SEMA3E: variants seen among roughly 807,000 people sequenced by gnomAD.
SEMA3E encodes semaphorin-3E.
SEMA3E carries 49 observed loss-of-function variants against 93.6 expected under a neutral mutation model. That is an observed-to-expected ratio of 0.52 (90% CI 0.42 to 0.66). The LOEUF (loss-of-function observed/expected upper bound fraction) is 0.66. SEMA3E is among the 30% of genes least tolerant of loss of function. The pLI is 0.00. For missense variants in SEMA3E, 906 were observed against 964.8 expected (o/e 0.94, Z 0.81); for synonymous variants, 363 against 330.7 (o/e 1.10, Z -1.06).
intron 1 of SEMA3E, among the ~76,000 whole-genome samples, chr7:83,521,008 G>A (rs1791034001): frequency 6.6e-6 from 1 of 152,054 alleles, no homozygotes; most frequent in Admixed American, 6.6e-5. Flanking sequence ...TTTCTGCAGT[G>A]TGCCTGTAAA....
At position 83,466,599 on chromosome 7, in the gene SEMA3E, A is replaced by G. The variant is rs564120268; in HGVS notation, c.339T>C (p.Gly113=). Reference sequence around the variant, plus strand: ...AAACCCGAACATAATTTGCACATTCACCCTAAAGCAGGAAAAAAAGGGAAG... The same window carrying G: ...AAACCCGAACATAATTTGCACATTCGCCCTAAAGCAGGAAAAAAAGGGAAG... The part of the protein sequence containing the change: ...EECIMKGKDA[G]ECANYVRVLH... The change falls in exon 4 of 17, where the codon GGT becomes GGC. Residue 113 remains glycine (G), a splice_region_variant and synonymous_variant. Coordinates refer to ENST00000643230, the MANE Select transcript of SEMA3E (RefSeq NM_012431.3). The G allele has an allele frequency of 8.1e-6, 13 of 1,613,056 alleles. No individual in the cohort carries two copies. In the African/African-American group the frequency reaches 1.5e-4, roughly 18 times the overall value.
intron 4 of SEMA3E, among the ~76,000 whole-genome samples, chr7:83,438,817 A>G (rs189479652): frequency 3.3e-4 from 51 of 152,278 alleles, no homozygotes; most frequent in African/African-American, 1.2e-3. Flanking sequence ...ATGAGTAAAC[A>G]TTTATGTATA....
chr7:83,440,733 T>G (rs1192553632), intron 4 of SEMA3E, among the ~76,000 whole-genome samples: 9 of 143,988 alleles, frequency 6.3e-5, no homozygotes, highest in Admixed American at 1.4e-4. Context: ...ACCCAGGAGG[T>G]GGAGGTTGCA....
intron 2 of SEMA3E, among the ~76,000 whole-genome samples, chr7:83,470,037 C>T (rs778697141): frequency 1.3e-4 from 20 of 152,006 alleles, no homozygotes; most frequent in Non-Finnish European, 2.1e-4. Context: ...CTGCCTGCCT[C>T]GGCCTCCCAA....
In SEMA3E at chr7:83,367,496, A is replaced by C. The variant is rs1794685998; in HGVS notation, c.*90T>G. 1 of 1,293,090 alleles carries C rather than the reference A, an allele frequency of 7.7e-7. No individual in the cohort carries two copies. The highest frequency in any genetic ancestry group is 1.2e-5 in the South Asian group (1 of 83,768). The allele number at this position is 1,293,090 out of a possible 1,614,324, so 80.1% of individuals were successfully genotyped here. A position where few individuals can be genotyped will look rare whatever the true frequency, so the allele number is the denominator to read the frequency against. ...TCCTGTATTACAGAAATCTCTTTTA[A>C]GTAATGCAAAGAAGTTGGATGATTT... On this transcript the variant is annotated 3_prime_UTR_variant, in exon 17 of 17. Transcript: ENST00000643230.
intron 1 of SEMA3E, among the ~76,000 whole-genome samples, chr7:83,596,737 A>G (rs916491909): frequency 2.0e-5 from 3 of 151,874 alleles, no homozygotes; most frequent in African/African-American, 7.3e-5. Context: ...TGAAGCCCCA[A>G]TCTCTTTTCT....
At chr7:83,580,168 G>T (rs1347325044) in intron 1 of SEMA3E, among the ~76,000 whole-genome samples, 17 of 152,016 alleles carry the variant, frequency 1.1e-4, no homozygotes. Flanking sequence ...AAAATGATTT[G>T]TAAAACTTGA....
intron 1 of SEMA3E, among the ~76,000 whole-genome samples, chr7:83,627,456 T>C (rs915463842): frequency 6.6e-6 from 1 of 151,722 alleles, no homozygotes; most frequent in Non-Finnish European, 1.5e-5. Flanking sequence ...TGCAGATATA[T>C]TTAGGATAGT....
At chr7:83,628,038 C>T (rs547298401) in intron 1 of SEMA3E, among the ~76,000 whole-genome samples, 6 of 152,184 alleles carry the variant, frequency 3.9e-5, no homozygotes, top group South Asian at 4.1e-4. Flanking sequence ...TCAGCATTTG[C>T]TTGTCTGTAA....
At chr7:83,484,147 T>C (rs1279989673) in intron 2 of SEMA3E, among the ~76,000 whole-genome samples, 2 of 152,198 alleles carry the variant, frequency 1.3e-5, no homozygotes, top group African/African-American at 4.8e-5. Context: ...GAGAACACTG[T>C]TTCTCTATCA....
chr7:83,394,981 A>G (rs1253305834), intron 12 of SEMA3E, among the ~76,000 whole-genome samples: 1 of 152,204 alleles, frequency 6.6e-6, no homozygotes, highest in Non-Finnish European at 1.5e-5. Context: ...GTGCAAGTGG[A>G]AAACCACAAG....
rs768794641 is a variant in SEMA3E at position 83,539,376 on chromosome 7, T to G, written c.116-49102A>C. Among the ~76,000 whole-genome samples, 22 of 152,162 alleles carry G rather than the reference T, an allele frequency of 1.4e-4. 1 individual carries two copies. Among genetic ancestry groups the G allele is most frequent in the Non-Finnish European group, 2.9e-4 (20 of 68,006 alleles). ...TTTCCAGTGATAAAGCAACAGACAT[T>G]TGGTTGTAGGCAAGGGAGAGGCTGA... is the stretch of plus-strand genomic sequence containing the variant. On this transcript the variant is annotated intron_variant, in intron 1 of 16. Transcript: ENST00000643230.
At chr7:83,465,797 T>C (rs1204408246) in intron 4 of SEMA3E, among the ~76,000 whole-genome samples, 2 of 152,324 alleles carry the variant, frequency 1.3e-5, no homozygotes, top group East Asian at 3.9e-4. Context: ...CTTCAAAATA[T>C]ACTTAAAAGT....
intron 5 of SEMA3E, among the ~76,000 whole-genome samples, chr7:83,415,829 C>T (rs1788528292): frequency 6.6e-6 from 1 of 152,012 alleles, no homozygotes; most frequent in African/African-American, 2.4e-5. Context: ...CATTGTGTGA[C>T]ATATAATTAA....
intron 2 of SEMA3E, among the ~76,000 whole-genome samples, chr7:83,478,935 C>T (rs770900531): frequency 6.6e-6 from 1 of 152,160 alleles, no homozygotes. Flanking sequence ...TTCTCATTTT[C>T]CATCCATTTA....
chr7:83,491,445 C>T (rs1039179905), intron 1 of SEMA3E, among the ~76,000 whole-genome samples: 2 of 151,534 alleles, frequency 1.3e-5, no homozygotes, highest in Admixed American at 6.6e-5. Flanking sequence ...CTGTTGATGC[C>T]CAAAACTTTG....
chr7:83,403,496 T>C (rs548707467), intron 9 of SEMA3E, among the ~76,000 whole-genome samples: 16 of 152,102 alleles, frequency 1.1e-4, no homozygotes, highest in South Asian at 4.1e-4. Flanking sequence ...GCAAGTTTTA[T>C]TGAAGATATT....
intron 4 of SEMA3E, among the ~76,000 whole-genome samples, chr7:83,431,360 T>C (rs1788880083): frequency 1.3e-5 from 2 of 151,902 alleles, no homozygotes; most frequent in Non-Finnish European, 2.9e-5. Flanking sequence ...AAAAAATAAA[T>C]ATAAATTAAA....
At chr7:83,591,365 G>A (rs1158022165) in intron 1 of SEMA3E, among the ~76,000 whole-genome samples, 2 of 151,528 alleles carry the variant, frequency 1.3e-5, no homozygotes, top group Non-Finnish European at 2.9e-5. Flanking sequence ...GCTACATTCT[G>A]TACATTGCTT....
Sources: gnomAD v4.1 joint callset for allele counts (sites outside exome capture counted in the v4.1 genomes callset) on GRCh38, gnomAD v4.1.1 for gene constraint, MANE v1.5 for transcripts, NCBI Gene and HGNC (gene_info 2026-07-23, HGNC 2026-07-21) for gene names.